The following SNTG1 variants were observed in gnomAD, a reference collection of about 807,000 sequenced individuals.
SNTG1 encodes gamma-1-syntrophin.
A neutral mutation model predicts 74.7 loss-of-function variants in SNTG1; 39 were observed. The observed-to-expected ratio is 0.52, with a 90% confidence interval of 0.40 to 0.68. SNTG1 has a LOEUF of 0.68. Among genes scored for constraint, SNTG1 ranks in the 30% least tolerant of loss-of-function variants. The pLI, the probability that SNTG1 is intolerant of heterozygous loss-of-function variation, is 0.00. For missense variants in SNTG1, 685 were observed against 609.5 expected (o/e 1.12, Z -1.30); for synonymous variants, 254 against 217.1 (o/e 1.17, Z -1.49).
At chr8:50,001,908 T>G (rs1270814858) in intron 1 of SNTG1, among the ~76,000 whole-genome samples, 1 of 152,132 alleles carries the variant, frequency 6.6e-6, no homozygotes, top group African/African-American at 2.4e-5. Flanking sequence ...GTTTTGTAGA[T>G]AAGAACAATA....
At chr8:50,162,656 C>A (rs1038930071) in intron 1 of SNTG1, among the ~76,000 whole-genome samples, 1 of 151,928 alleles carries the variant, frequency 6.6e-6, no homozygotes, top group Non-Finnish European at 1.5e-5. Context: ...CCCGCTGGAT[C>A]TCCAGTTGAG....
chr8:50,177,061 A>G (rs573920871), intron 2 of SNTG1, among the ~76,000 whole-genome samples: 9 of 152,310 alleles, frequency 5.9e-5, no homozygotes, highest in African/African-American at 1.9e-4. Flanking sequence ...TCTGTGAAGT[A>G]GAGTCACAAG....
chr8:50,137,398 T>C (rs2081509003), intron 1 of SNTG1, among the ~76,000 whole-genome samples: 1 of 152,178 alleles, frequency 6.6e-6, no homozygotes, highest in Admixed American at 6.5e-5. Context: ...TAGTCAACTT[T>C]CCATCTTTCA....
intron 2 of SNTG1, among the ~76,000 whole-genome samples, chr8:50,205,664 T>A (rs1353839598): frequency 5.3e-5 from 8 of 152,202 alleles, no homozygotes; most frequent in Admixed American, 1.3e-4. Context: ...CTGAATGGTA[T>A]TCCCTAGGTT....
intron 8 of SNTG1, among the ~76,000 whole-genome samples, chr8:50,464,124 T>C (rs2131701303): frequency 6.6e-6 from 1 of 152,330 alleles, no homozygotes; most frequent in South Asian, 2.1e-4. Context: ...GATTAGGCTT[T>C]GGATTAAGTG....
At chr8:50,607,369 A>T (rs950300984) in intron 13 of SNTG1, among the ~76,000 whole-genome samples, 55 of 147,506 alleles carry the variant, frequency 3.7e-4, no homozygotes, top group African/African-American at 1.4e-3. Flanking sequence ...GGTTTTAACT[A>T]TTTTTTTTTT....
intron 1 of SNTG1, among the ~76,000 whole-genome samples, chr8:49,948,469 G>T (rs188399092): frequency 2.0e-5 from 3 of 152,234 alleles, no homozygotes; most frequent in East Asian, 3.9e-4. Context: ...TTTCTCTCAT[G>T]ACCCTTGTTT....
chr8:50,741,156 G>A (rs1264965172), intron 17 of SNTG1, among the ~76,000 whole-genome samples: 2 of 151,880 alleles, frequency 1.3e-5, no homozygotes, highest in Non-Finnish European at 2.9e-5. Flanking sequence ...GCAGAGTCTT[G>A]CTCTGTCACC....
intron 12 of SNTG1, among the ~76,000 whole-genome samples, chr8:50,583,928 C>T (rs899584845): frequency 1.3e-5 from 2 of 151,990 alleles, no homozygotes; most frequent in African/African-American, 2.4e-5. Context: ...CCCGCTCCCT[C>T]CACCCCACGA....
chr8:50,332,231 A>T (rs547202531), intron 2 of SNTG1, among the ~76,000 whole-genome samples: 1 of 152,312 alleles, frequency 6.6e-6, no homozygotes, highest in African/African-American at 2.4e-5. Flanking sequence ...TGACATACAT[A>T]TTATTCCTAT....
At chr8:49,941,151 G>C (rs1216313850) in intron 1 of SNTG1, among the ~76,000 whole-genome samples, 1 of 152,030 alleles carries the variant, frequency 6.6e-6, no homozygotes, top group Non-Finnish European at 1.5e-5. Flanking sequence ...GCAAGAGTGG[G>C]TGGTTTCACA....
chr8:49,920,492 T>A (rs318859), intron 1 of SNTG1, among the ~76,000 whole-genome samples: 123,845 of 152,000 alleles, frequency 0.81, 52,996 homozygotes, highest in Non-Finnish European at 0.94. Flanking sequence ...ACTGCCTCTC[T>A]TCTTATAACA....
At chr8:50,033,558 T>C (rs1817912639) in intron 1 of SNTG1, among the ~76,000 whole-genome samples, 1 of 152,232 alleles carries the variant, frequency 6.6e-6, no homozygotes, top group Non-Finnish European at 1.5e-5. Flanking sequence ...TTCTGGAGGC[T>C]ACAAATCCAA....
At chr8:50,240,620 G>C (rs917113441) in intron 2 of SNTG1, among the ~76,000 whole-genome samples, 2 of 152,144 alleles carry the variant, frequency 1.3e-5, no homozygotes, top group Non-Finnish European at 2.9e-5. Context: ...GAAACAAGCG[G>C]CACAGAGGAT....
At position 50,565,795 on chromosome 8, in the gene SNTG1, G is replaced by T. The variant is rs142711269; in HGVS notation, c.810+12616G>T. Among the ~76,000 whole-genome samples the T allele has an allele frequency of 5.4e-3, 818 of 152,036 alleles. 7 individuals carry two copies. The highest frequency in any genetic ancestry group is 0.018 in the African/African-American group (758 of 41,512). On this transcript the variant is annotated intron_variant, in intron 12 of 18. Transcript: ENST00000642720. Reference sequence around the variant, plus strand: ...ATAATATGAATAAGTGCTATGAGAGGTTGATTCTGTAGCTATCCAGGAGTA... The same window carrying T: ...ATAATATGAATAAGTGCTATGAGAGTTTGATTCTGTAGCTATCCAGGAGTA...
At chr8:50,269,573 G>A (rs1475867180) in intron 2 of SNTG1, among the ~76,000 whole-genome samples, 1 of 152,068 alleles carries the variant, frequency 6.6e-6, no homozygotes, top group Non-Finnish European at 1.5e-5. Context: ...TTATGTGCCA[G>A]CAAAATTGCG....
intron 1 of SNTG1, among the ~76,000 whole-genome samples, chr8:50,049,617 T>C (rs1481595940): frequency 6.6e-6 from 1 of 152,066 alleles, no homozygotes; most frequent in Non-Finnish European, 1.5e-5. Flanking sequence ...ATAGTGGAAC[T>C]AAGCAGCACC....
At chr8:50,009,105 T>C (rs1250762510) in intron 1 of SNTG1, among the ~76,000 whole-genome samples, 1 of 152,298 alleles carries the variant, frequency 6.6e-6, no homozygotes, top group African/African-American at 2.4e-5. Context: ...ATAATATCTA[T>C]AACTATTTCA....
intron 1 of SNTG1, among the ~76,000 whole-genome samples, chr8:49,998,587 GACACACACACAC>G (rs56162374): frequency 8.0e-5 from 11 of 136,922 alleles, no homozygotes; most frequent in East Asian, 4.4e-4. Context: ...TAAAAATTAA[GACACACACACAC>G]ACACACACAC....
Sources: gnomAD v4.1 joint callset for allele counts (sites outside exome capture counted in the v4.1 genomes callset) on GRCh38, gnomAD v4.1.1 for gene constraint, MANE v1.5 for transcripts, NCBI Gene and HGNC (gene_info 2026-07-23, HGNC 2026-07-21) for gene names.